The following ARNT2 variants were observed in gnomAD, a reference collection of about 807,000 sequenced individuals.
ARNT2 encodes ARNT protein 2.
A neutral mutation model predicts 91.7 loss-of-function variants in ARNT2; 36 were observed. The observed-to-expected ratio is 0.39, with a 90% CI of 0.30 to 0.52. ARNT2 has a LOEUF of 0.52. Among genes scored for constraint, ARNT2 ranks in the 20% least tolerant of loss-of-function variants. The pLI is 0.72. For missense variants in ARNT2, 775 were observed against 939.3 expected (o/e 0.83, Z 2.29); for synonymous variants, 365 against 347.1 (o/e 1.05, Z -0.57).
intron 8 of ARNT2, among the ~76,000 whole-genome samples, chr15:80,534,048 A>G (rs1209921949): frequency 6.6e-6 from 1 of 152,268 alleles, no homozygotes; most frequent in Non-Finnish European, 1.5e-5. Flanking sequence ...CCCTCTAGGC[A>G]AAGGAAGATG....
At chr15:80,561,328 A>G (rs1898344963) in intron 11 of ARNT2, among the ~76,000 whole-genome samples, 2 of 152,032 alleles carry the variant, frequency 1.3e-5, no homozygotes, top group South Asian at 4.2e-4. Flanking sequence ...GGGTCTGCAC[A>G]TGCCTGTGGA....
intron 1 of ARNT2, chr15:80,441,085 G>T (rs375480182): frequency 1.0e-4 from 36 of 349,754 alleles, no homozygotes; most frequent in African/African-American, 7.3e-4. Flanking sequence ...TTTCAAATAT[G>T]CATTTGTTAT....
At chr15:80,407,662 T>G (rs1032970724) in intron 1 of ARNT2, among the ~76,000 whole-genome samples, 9 of 152,182 alleles carry the variant, frequency 5.9e-5, no homozygotes, top group African/African-American at 2.2e-4. Context: ...ATGACATATA[T>G]CCTTTAGACT....
At chr15:80,438,338 C>T (rs796475073) in intron 1 of ARNT2, among the ~76,000 whole-genome samples, 1 of 152,144 alleles carries the variant, frequency 6.6e-6, no homozygotes, top group African/African-American at 2.4e-5. Context: ...TGATGATTTA[C>T]TACAGATGTT....
At chr15:80,440,172 G>C (rs1391403214) in intron 1 of ARNT2, among the ~76,000 whole-genome samples, 1 of 152,154 alleles carries the variant, frequency 6.6e-6, no homozygotes, top group African/African-American at 2.4e-5. Context: ...GCTTCTGTGT[G>C]ATTGATGACA....
intron 1 of ARNT2, among the ~76,000 whole-genome samples, chr15:80,449,363 A>T (rs1270396798): frequency 2.0e-5 from 3 of 152,190 alleles, no homozygotes; most frequent in African/African-American, 7.2e-5. Context: ...AATGGACTCA[A>T]TGTGTTTTAG....
rs145621152 is a variant in ARNT2 at position 80,574,993 on chromosome 15, G to A, written c.1396G>A (p.Val466Ile). ...TTATTTAATGTGCAAATAGGTCCCC[G>A]TCCCCAACCTACCAGCCGGTGTTCA... ...LSSYDLSQVP[V>I]PNLPAGVHEA... is the part of the protein sequence containing the mutation. Residue 466 changes from valine to isoleucine, a missense_variant, in exon 14 of 19, where the codon GTC becomes ATC. Val to Ile is a conservative substitution (Grantham distance 29, BLOSUM62 3). This residue lies in a region of ARNT2 where 325 missense variants were observed against 359.9 expected (regional missense o/e 0.90). Transcript: ENST00000303329. The A allele has an allele frequency of 4.8e-5, 78 of 1,614,028 alleles. No homozygotes were observed. Among genetic ancestry groups the A allele is most frequent in the South Asian group, 9.9e-5 (9 of 91,070 alleles).
At chr15:80,469,521 T>C (rs1340661933) in intron 3 of ARNT2, among the ~76,000 whole-genome samples, 1 of 150,448 alleles carries the variant, frequency 6.6e-6, no homozygotes, top group Non-Finnish European at 1.5e-5. Context: ...TATTACATAC[T>C]TATATTTATA....
intron 5 of ARNT2, among the ~76,000 whole-genome samples, chr15:80,506,600 G>A (rs1566989460): frequency 2.0e-5 from 3 of 152,208 alleles, no homozygotes; most frequent in African/African-American, 7.2e-5. Flanking sequence ...AGAGAGGGAA[G>A]CTCAAGGTTA....
intron 1 of ARNT2, among the ~76,000 whole-genome samples, chr15:80,449,269 G>A (rs1347114889): frequency 6.6e-6 from 1 of 152,168 alleles, no homozygotes; most frequent in African/African-American, 2.4e-5. Flanking sequence ...CTGCTGTTCT[G>A]TGGAACTTAT....
chr15:80,475,150 G>C lies in ARNT2; in HGVS notation c.549G>C (p.Leu183=). 6.2e-7 allele frequency: 1 copy of C among 1,614,214 alleles called. No homozygotes were observed. Among genetic ancestry groups the C allele is most frequent in the Non-Finnish European group, 8.5e-7 (1 of 1,180,036 alleles). The change falls in exon 5 of 19, where the codon CTG becomes CTC. Residue 183 remains leucine, a synonymous_variant. Transcript: ENST00000303329. ...AGTCAGAGTGGTTTGGGAGCACACTGTATGAACAGGTGCATCCTGATGACG... is the reference window on the plus strand; with the variant it reads ...AGTCAGAGTGGTTTGGGAGCACACTCTATGAACAGGTGCATCCTGATGACG... ...QPQSEWFGST[L]YEQVHPDDVE... is the part of the protein sequence containing the mutation.
chr15:80,437,078 C>T (rs886893956), intron 1 of ARNT2, among the ~76,000 whole-genome samples: 6 of 152,094 alleles, frequency 3.9e-5, no homozygotes, highest in African/African-American at 2.4e-5. Flanking sequence ...TCTCCCTTCT[C>T]GATGGGCTCC....
chr15:80,443,327 G>A (rs1460574030), intron 1 of ARNT2, among the ~76,000 whole-genome samples: 4 of 152,204 alleles, frequency 2.6e-5, no homozygotes, highest in Non-Finnish European at 5.9e-5. Context: ...ATGATGGCAG[G>A]GAACTCCAGG....
In ARNT2 at chr15:80,457,839, G is replaced by A. The variant is rs556924803; in HGVS notation, c.147-90G>A. ...GGGATCAATGGATAGCAGTCCTAGT[G>A]AATAAAGCTCCTTTTGTTCCAGCAG... On this transcript the variant is annotated intron_variant, in intron 2 of 18. Coordinates refer to ENST00000303329, the MANE Select transcript of ARNT2 (RefSeq NM_014862.4). The A allele has an allele frequency of 5.8e-4, 814 of 1,414,984 alleles. 1 individual carries two copies. The highest frequency in any genetic ancestry group is 7.8e-4 in the Non-Finnish European group (783 of 1,007,610). The allele number at this position is 1,414,984 out of a possible 1,614,324, so 87.7% of individuals were successfully genotyped here.
chr15:80,558,665 T>C (rs999606114), intron 11 of ARNT2, among the ~76,000 whole-genome samples: 1 of 152,142 alleles, frequency 6.6e-6, no homozygotes, highest in African/African-American at 2.4e-5. Flanking sequence ...GATCCTAATC[T>C]TCACCACTGA....
chr15:80,405,904 CAGAG>C (rs71690528), intron 1 of ARNT2, among the ~76,000 whole-genome samples: 6 of 146,094 alleles, frequency 4.1e-5, no homozygotes, highest in African/African-American at 1.6e-4. Context: ...GAGAGAGAGA[CAGAG>C]AGAGAGAGAG....
At chr15:80,457,512 A>G (rs1054487190) in intron 2 of ARNT2, among the ~76,000 whole-genome samples, 4 of 152,212 alleles carry the variant, frequency 2.6e-5, no homozygotes, top group Non-Finnish European at 4.4e-5. Context: ...ATATACCACA[A>G]GATAAACTAA....
At chr15:80,493,840 T>C (rs991448088) in intron 5 of ARNT2, among the ~76,000 whole-genome samples, 1 of 152,168 alleles carries the variant, frequency 6.6e-6, no homozygotes, top group Non-Finnish European at 1.5e-5. Context: ...TGAGGGCAGA[T>C]CCCTCACTAA....
At chr15:80,508,063 G>A (rs1897297691) in intron 5 of ARNT2, 93 bp from the exon 6 acceptor site, 1 of 1,198,558 alleles carries the variant, frequency 8.3e-7, no homozygotes, top group Admixed American at 1.9e-5. Flanking sequence ...TCCTCATTTG[G>A]CAGAGCATTT....
Sources: allele counts gnomAD v4.1 joint callset (sites outside exome capture counted in the v4.1 genomes callset), GRCh38; gene constraint gnomAD v4.1.1; regional missense constraint gnomAD v4.1.1; transcripts MANE v1.5; gene names NCBI Gene and HGNC (gene_info 2026-07-23, HGNC 2026-07-21).